NINL: variants seen among roughly 807,000 people sequenced by gnomAD.
The protein encoded by NINL is ninein-like protein.
NINL carries 153 observed loss-of-function variants against 160.3 expected under a neutral mutation model. That is an observed-to-expected ratio of 0.95 (90% CI 0.84 to 1.09). NINL has a LOEUF of 1.09. Ranked by LOEUF, NINL falls within the 50% of genes least tolerant of loss-of-function variation. The probability of loss-of-function intolerance (pLI) is 0.00; values close to 1 mark genes in which losing one functional copy is unlikely to be tolerated. For missense variants in NINL, 1,829 were observed against 1,764.0 expected (o/e 1.04, Z -0.66); for synonymous variants, 800 against 734.8 (o/e 1.09, Z -1.43).
intron 1 of NINL, among the ~76,000 whole-genome samples, chr20:25,580,751 C>CCTTCT (rs2065165479): frequency 6.6e-6 from 1 of 152,204 alleles, no homozygotes; most frequent in Admixed American, 6.6e-5. Context: ...CTCAAAGTTG[C>CCTTCT]CCCAAGGTGG....
chr20:25,542,696 CTAAAAAA>C (rs2064681683), intron 1 of NINL, among the ~76,000 whole-genome samples: 1 of 74,752 alleles, frequency 1.3e-5, no homozygotes, highest in Non-Finnish European at 2.3e-5. Flanking sequence ...CTTGCTTTCA[CTAAAAAA>C]AAAAAAAAAA....
chr20:25,540,606 C>G (rs1283182722), intron 1 of NINL, among the ~76,000 whole-genome samples: 1 of 152,192 alleles, frequency 6.6e-6, no homozygotes, highest in African/African-American at 2.4e-5. Context: ...CCATTCCCAA[C>G]AAGGATCTCT....
chr20:25,550,545 G>C (rs2064795346), intron 1 of NINL, among the ~76,000 whole-genome samples: 3 of 152,156 alleles, frequency 2.0e-5, no homozygotes, highest in Non-Finnish European at 4.4e-5. Flanking sequence ...TACTATCTCG[G>C]TGAGGGGGAT....
chr20:25,489,617 G>A (rs1271520212), intron 12 of NINL, among the ~76,000 whole-genome samples: 1 of 152,046 alleles, frequency 6.6e-6, no homozygotes, highest in Admixed American at 6.5e-5. Flanking sequence ...CCCAGGGAAG[G>A]CCCTGCCCTC....
chr20:25,536,899 A>G (rs2064566231), intron 1 of NINL, among the ~76,000 whole-genome samples: 1 of 152,158 alleles, frequency 6.6e-6, no homozygotes, highest in African/African-American at 2.4e-5. Flanking sequence ...ATAAGAAATA[A>G]CAGCAGAATG....
intron 1 of NINL, among the ~76,000 whole-genome samples, chr20:25,550,672 C>T (rs2064796974): frequency 6.6e-6 from 1 of 152,002 alleles, no homozygotes; most frequent in Non-Finnish European, 1.5e-5. Context: ...TGCACATAGG[C>T]CAGATTTATG....
At chr20:25,509,922 C>T (rs2064036750) in intron 5 of NINL, among the ~76,000 whole-genome samples, 1 of 152,238 alleles carries the variant, frequency 6.6e-6, no homozygotes, top group Admixed American at 6.5e-5. Context: ...GGGGGATCCA[C>T]TGGGAAGTTT....
At position 25,543,000 on chromosome 20, in the gene NINL, A is replaced by G. The variant is rs149095414; in HGVS notation, c.-11-16402T>C. Among the ~76,000 whole-genome samples, 932 of 147,640 alleles carry G rather than the reference A, an allele frequency of 6.3e-3. 14 individuals are homozygous for G. The highest frequency in any genetic ancestry group is 0.022 in the African/African-American group (885 of 40,402). On this transcript the variant is annotated intron_variant, in intron 1 of 23. Transcript: ENST00000278886. ...GGCTGCAGTGAGCCAAGATCGCACC[A>G]CTGCACTCCAGCCTGGGCAACAGAG...
At chr20:25,457,720 CTA>C (rs1213180092) in intron 22 of NINL, among the ~76,000 whole-genome samples, 1 of 152,212 alleles carries the variant, frequency 6.6e-6, no homozygotes, top group African/African-American at 2.4e-5. Context: ...GAACTATGAA[CTA>C]TGTTGGGAAT....
Position 25,571,867 on chromosome 20 carries a change from G to GAA in NINL, c.-12+13586_-12+13587dup, listed in dbSNP as rs10536325. On this transcript the variant is annotated intron_variant, in intron 1 of 23. Transcript: ENST00000278886. ...TGGTCAAGAGAGTGAGACTCTGTCT[G>GAA]AAAAAAAAAAAAAAAAAAAAAAAAA... Among the ~76,000 whole-genome samples, 123 of 41,562 alleles carry GAA rather than the reference G, an allele frequency of 3.0e-3. 3 individuals are homozygous for GAA. Among genetic ancestry groups the GAA allele is most frequent in the African/African-American group, 9.3e-3 (118 of 12,726 alleles). The allele number at this position is 41,562 out of a possible 152,430, so 27.3% of individuals were successfully genotyped here. A position where few individuals can be genotyped will look rare whatever the true frequency, so the allele number is the denominator to read the frequency against.
chr20:25,522,819 C>T (rs2064286063), intron 2 of NINL, among the ~76,000 whole-genome samples: 1 of 152,164 alleles, frequency 6.6e-6, no homozygotes, highest in South Asian at 2.1e-4. Context: ...CGAGCGGCAA[C>T]CCCATATATT....
chr20:25,505,532 A>C (rs745418515), intron 5 of NINL, among the ~76,000 whole-genome samples: 1 of 152,226 alleles, frequency 6.6e-6, no homozygotes, highest in Non-Finnish European at 1.5e-5. Flanking sequence ...ATCATTTCAC[A>C]ATGTACACAT....
At chr20:25,458,294 T>C in intron 22 of NINL, 89 bp downstream of exon 22, 1 of 1,514,950 alleles carries the variant, frequency 6.6e-7, no homozygotes. Context: ...TATTCACAGT[T>C]GTGCAGCTTC....
At chr20:25,561,610 T>A (rs1243733322) in intron 1 of NINL, among the ~76,000 whole-genome samples, 5 of 139,438 alleles carry the variant, frequency 3.6e-5, no homozygotes, top group South Asian at 4.7e-4. Context: ...CCGGCCACCA[T>A]CCCATCTAGG....
chr20:25,472,354 T>TATAC (rs2063121697), intron 17 of NINL, among the ~76,000 whole-genome samples: 1 of 118,306 alleles, frequency 8.5e-6, no homozygotes, highest in Non-Finnish European at 1.9e-5. Context: ...TATATATATA[T>TATAC]ATATATATAT....
chr20:25,470,824 G>A (rs990012895), intron 17 of NINL, among the ~76,000 whole-genome samples: 2 of 152,078 alleles, frequency 1.3e-5, no homozygotes, highest in Admixed American at 1.3e-4. Flanking sequence ...GTGAGACCTT[G>A]TCTGTGAAAA....
rs148450519 is a variant in NINL, at chr20:25,489,280, G to A, written c.1641C>T (p.Phe547=). ...SAELLAQEER[F]AAVLKEYELK... is the part of the protein sequence containing the mutation. ...GCTCGTATTCCTTCAGGACTGCTGC[G>A]AACCGCTCCTCCTGGGCCAGGAGCT... The change falls in exon 13 of 24, where the codon TTC becomes TTT. Residue 547 remains phenylalanine, a synonymous_variant. Transcript: ENST00000278886. 44 of 1,613,956 alleles carry A rather than the reference G, an allele frequency of 2.7e-5. No homozygotes were observed. The African/African-American group carries it at 2.9e-4, about 11-fold the overall frequency.
At position 25,503,818 on chromosome 20, in the gene NINL, G is replaced by GT. The variant is rs2063912453; in HGVS notation, c.861+133dup. 13 of 1,040,416 alleles carry GT rather than the reference G, an allele frequency of 1.2e-5. No homozygotes were observed. The Admixed American group carries it at 1.9e-4, about 15-fold the overall frequency. The allele number at this position is 1,040,416 out of a possible 1,614,324, so 64.4% of individuals were successfully genotyped here. A position where few individuals can be genotyped will look rare whatever the true frequency, so the allele number is the denominator to read the frequency against. On this transcript the variant is annotated intron_variant, in intron 7 of 23. Transcript: ENST00000278886. ...GTCACGTGGCCTCCCATATACATGC[G>GT]TGTGTGCATGGCCTGTCCAGTTCTT...
At chr20:25,569,958 G>A (rs1306187448) in intron 1 of NINL, among the ~76,000 whole-genome samples, 2 of 152,006 alleles carry the variant, frequency 1.3e-5, no homozygotes, top group East Asian at 3.9e-4. Context: ...GCCAAGGTAG[G>A]AGGATCACTC....
Sources: allele counts gnomAD v4.1 joint callset (sites outside exome capture counted in the v4.1 genomes callset), GRCh38; gene constraint gnomAD v4.1.1; transcripts MANE v1.5; gene names NCBI Gene and HGNC (gene_info 2026-07-23, HGNC 2026-07-21).